Variants in MYO10 observed in about 807,000 individuals in gnomAD.
MYO10 encodes the protein myosin X.
Under a neutral mutation model 257.3 loss-of-function variants are expected in MYO10, and 133 were observed. That is an observed-to-expected ratio of 0.52 (90% confidence interval 0.45 to 0.60). The LOEUF (loss-of-function observed/expected upper bound fraction) is 0.60. Among genes scored for constraint, MYO10 ranks in the 20% least tolerant of loss-of-function variants. The pLI is 0.00. For synonymous variants in MYO10, 1,104 were observed against 1,028.6 expected (o/e 1.07, Z -1.40); for missense variants, 2,399 against 2,635.7 (o/e 0.91, Z 1.97).
chr5:16,804,871 A>G (rs13361131), intron 3 of MYO10, among the ~76,000 whole-genome samples: 8,685 of 152,206 alleles, frequency 0.057, 840 homozygotes, highest in African/African-American at 0.2. Context: ...AGCCATGACC[A>G]CTGCACTCCA....
Position 16,668,527 on chromosome 5 carries a change from T to C in MYO10, c.5884-59A>G, listed in dbSNP as rs1736286330. ...ATGAAGTGGTTGGCAACAGAAAGCA[T>C]CTAAACCATAAGACAGGCTTTGAGT... On this transcript the variant is annotated intron_variant, in intron 39 of 40. Transcript: ENST00000513610. The C allele has an allele frequency of 2.8e-6, 4 of 1,422,812 alleles. No homozygotes were observed. The Admixed American group carries it at 9.7e-5, about 35-fold the overall frequency. 88.1% of individuals were successfully genotyped at this position (1,422,812 alleles called of 1,614,324 possible).
At chr5:16,698,479 A>G (rs776174219) in intron 26 of MYO10, among the ~76,000 whole-genome samples, 2 of 152,182 alleles carry the variant, frequency 1.3e-5, no homozygotes, top group Non-Finnish European at 2.9e-5. Flanking sequence ...GTAACAATCA[A>G]AGCATACAAT....
intron 2 of MYO10, among the ~76,000 whole-genome samples, chr5:16,865,342 C>A (rs1744213678): frequency 6.6e-6 from 1 of 152,170 alleles, no homozygotes; most frequent in Admixed American, 6.5e-5. Flanking sequence ...GTGGCCAGGG[C>A]TCAGCGGTCT....
At chr5:16,729,380 G>A (rs969531085) in intron 19 of MYO10, among the ~76,000 whole-genome samples, 6 of 151,712 alleles carry the variant, frequency 4.0e-5, no homozygotes, top group South Asian at 4.2e-4. Flanking sequence ...ATTGTACAAC[G>A]ATAAAATCCA....
intron 32 of MYO10, 139 bp from the exon 33 acceptor site, chr5:16,680,243 T>C (rs577910813): frequency 3.8e-6 from 4 of 1,066,192 alleles, no homozygotes; most frequent in East Asian, 2.6e-5. Flanking sequence ...ATGTGTCCTG[T>C]CCTGCCCTGC....
intron 1 of MYO10, among the ~76,000 whole-genome samples, chr5:16,901,138 T>A (rs1745366880): frequency 6.6e-6 from 1 of 152,048 alleles, no homozygotes; most frequent in Admixed American, 6.6e-5. Context: ...AGCCCCCCTC[T>A]CCCGAGACTC....
At chr5:16,683,995 A>T in intron 29 of MYO10, 60 bp from the exon 30 acceptor site, 1 of 1,477,750 alleles carries the variant, frequency 6.8e-7, no homozygotes. Context: ...TGCACACTAC[A>T]GTAATACCTC....
intron 1 of MYO10, among the ~76,000 whole-genome samples, chr5:16,914,898 C>A (rs75617035): frequency 0.013 from 1,961 of 152,226 alleles, 40 homozygotes; most frequent in African/African-American, 0.046. Context: ...GTGGAACTTT[C>A]GCAGCTGATT....
At chr5:16,819,145 A>G (rs1742727825) in intron 2 of MYO10, among the ~76,000 whole-genome samples, 1 of 152,210 alleles carries the variant, frequency 6.6e-6, no homozygotes, top group South Asian at 2.1e-4. Flanking sequence ...ACCAGGATAT[A>G]TAGCATTTGT....
At chr5:16,748,503 C>T (rs1740281250) in intron 19 of MYO10, among the ~76,000 whole-genome samples, 1 of 150,634 alleles carries the variant, frequency 6.6e-6, no homozygotes, top group Non-Finnish European at 1.5e-5. Flanking sequence ...CCCCCGCCCC[C>T]CATCAGCCTC....
chr5:16,685,423 G>A (rs1737203966), intron 29 of MYO10, among the ~76,000 whole-genome samples: 1 of 151,806 alleles, frequency 6.6e-6, no homozygotes, highest in Non-Finnish European at 1.5e-5. Context: ...TGTTTCTCAG[G>A]TTGGTCTTGA....
At chr5:16,709,151 G>A (rs990133831) in intron 21 of MYO10, among the ~76,000 whole-genome samples, 2 of 152,210 alleles carry the variant, frequency 1.3e-5, no homozygotes, top group African/African-American at 4.8e-5. Flanking sequence ...TGGGACAACA[G>A]AGGAGGGGGC....
intron 9 of MYO10, among the ~76,000 whole-genome samples, chr5:16,778,824 G>A (rs972333833): frequency 7.9e-5 from 12 of 151,588 alleles, no homozygotes; most frequent in African/African-American, 2.7e-4. Context: ...CCGAGTAGCT[G>A]GGACTATAGG....
intron 3 of MYO10, among the ~76,000 whole-genome samples, chr5:16,811,572 C>T (rs1742441988): frequency 6.6e-6 from 1 of 152,164 alleles, no homozygotes; most frequent in Non-Finnish European, 1.5e-5. Context: ...TTTGTTGAGA[C>T]AGGGTCTTGC....
chr5:16,666,681 C>T lies in MYO10; in HGVS notation c.*11G>A, dbSNP rs1340768112. ...TTCAGGTAGCAAAGACAGGTGGGCT[C>T]TGTCCCGCCTTCACCTGGAGCTGCC... On this transcript the variant is annotated 3_prime_UTR_variant, in exon 41 of 41. Coordinates refer to ENST00000513610, the MANE Select transcript of MYO10 (RefSeq NM_012334.3). 1 of 1,586,504 alleles carries T rather than the reference C, an allele frequency of 6.3e-7. No individual in the cohort carries two copies. The highest frequency in any genetic ancestry group is 1.3e-5 in the African/African-American group (1 of 74,770).
intron 19 of MYO10, among the ~76,000 whole-genome samples, chr5:16,721,765 C>T (rs1288060914): frequency 6.6e-6 from 1 of 152,158 alleles, no homozygotes; most frequent in African/African-American, 2.4e-5. Context: ...TACCTCGGAC[C>T]CACACAAACC....
intron 19 of MYO10, among the ~76,000 whole-genome samples, chr5:16,748,817 G>A (rs1300697780): frequency 6.6e-6 from 1 of 152,144 alleles, no homozygotes; most frequent in Non-Finnish European, 1.5e-5. Context: ...TGTCTAGGAT[G>A]TTGTCAACCT....
At chr5:16,785,870 A>G (rs1278632178) in intron 4 of MYO10, among the ~76,000 whole-genome samples, 2 of 136,282 alleles carry the variant, frequency 1.5e-5, no homozygotes, top group Non-Finnish European at 3.2e-5. Context: ...ACTCCATCTC[A>G]AAAAAATAAT....
At chr5:16,767,306 G>T (rs1038678611) in intron 10 of MYO10, among the ~76,000 whole-genome samples, 1 of 151,308 alleles carries the variant, frequency 6.6e-6, no homozygotes, top group Non-Finnish European at 1.5e-5. Context: ...AAGTAGCTAG[G>T]ATTACAGGTG....
Sources: gnomAD v4.1 joint callset for allele counts (sites outside exome capture counted in the v4.1 genomes callset) on GRCh38, gnomAD v4.1.1 for gene constraint, MANE v1.5 for transcripts, NCBI Gene and HGNC (gene_info 2026-07-23, HGNC 2026-07-21) for gene names.